The following SLC1A2 variants were observed in gnomAD, a reference collection of about 807,000 sequenced individuals.
SLC1A2 encodes the protein solute carrier family 1 member 2.
In SLC1A2, 15 loss-of-function variants were observed where a neutral mutation model predicts 48.8. The observed-to-expected ratio is 0.31, with a 90% CI of 0.21 to 0.47. The LOEUF is 0.47. Among genes scored for constraint, SLC1A2 ranks in the 20% least tolerant of loss-of-function variants. The pLI, the probability that SLC1A2 is intolerant of heterozygous loss-of-function variation, is 0.99. For missense variants in SLC1A2, 502 were observed against 730.5 expected (o/e 0.69, Z 3.61); for synonymous variants, 279 against 272.6 (o/e 1.02, Z -0.23).
At chr11:35,411,568 G>C (rs1488032962) in intron 1 of SLC1A2, among the ~76,000 whole-genome samples, 1 of 152,126 alleles carries the variant, frequency 6.6e-6, no homozygotes, top group Admixed American at 6.6e-5. Context: ...AGATCCTCTC[G>C]CCTCAGCCTC....
At chr11:35,328,327 T>C (rs1461778757) in intron 1 of SLC1A2, among the ~76,000 whole-genome samples, 1 of 152,162 alleles carries the variant, frequency 6.6e-6, no homozygotes, top group African/African-American at 2.4e-5. Flanking sequence ...GTCTGGTAAC[T>C]GGTAATAATA....
intron 9 of SLC1A2, among the ~76,000 whole-genome samples, chr11:35,271,186 A>G (rs938737005): frequency 1.3e-5 from 2 of 152,220 alleles, no homozygotes; most frequent in African/African-American, 4.8e-5. Context: ...GAGCATGGTC[A>G]GTTGGAGCGG....
chr11:35,354,890 C>T (rs558702912), intron 1 of SLC1A2, among the ~76,000 whole-genome samples: 2 of 152,298 alleles, frequency 1.3e-5, no homozygotes, highest in African/African-American at 2.4e-5. Context: ...ACATCTTCCA[C>T]GAACAGCAAA....
At chr11:35,317,994 G>A (rs964935299) in intron 1 of SLC1A2, among the ~76,000 whole-genome samples, 2 of 152,174 alleles carry the variant, frequency 1.3e-5, no homozygotes, top group Non-Finnish European at 2.9e-5. Context: ...ATCCTGACAT[G>A]TAAACGTCAC....
intron 5 of SLC1A2, among the ~76,000 whole-genome samples, chr11:35,303,241 C>T (rs1851404783): frequency 6.6e-6 from 1 of 152,170 alleles, no homozygotes; most frequent in Non-Finnish European, 1.5e-5. Context: ...CCTCTTTACA[C>T]CAAGCACATA....
intron 8 of SLC1A2, among the ~76,000 whole-genome samples, chr11:35,282,500 C>A (rs1033573801): frequency 2.6e-5 from 4 of 152,162 alleles, no homozygotes; most frequent in Non-Finnish European, 5.9e-5. Context: ...CACATTGCAA[C>A]TCCCCCACCC....
intron 1 of SLC1A2, among the ~76,000 whole-genome samples, chr11:35,410,118 T>C (rs1438824148): frequency 6.7e-6 from 1 of 148,894 alleles, no homozygotes; most frequent in Non-Finnish European, 1.5e-5. Context: ...TTTTATTTTT[T>C]AAGATAGAGC....
chr11:35,367,392 C>G (rs1247080361), intron 1 of SLC1A2, among the ~76,000 whole-genome samples: 1 of 152,214 alleles, frequency 6.6e-6, no homozygotes, highest in African/African-American at 2.4e-5. Flanking sequence ...CCTTCTGCAT[C>G]TGGACCCTCA....
intron 9 of SLC1A2, among the ~76,000 whole-genome samples, chr11:35,274,223 T>C (rs371052500): frequency 5.1e-4 from 77 of 152,362 alleles, no homozygotes; most frequent in African/African-American, 1.7e-3. Flanking sequence ...GTCCTTCCCT[T>C]TGCTATGAAC....
At chr11:35,390,528 T>C (rs1854731714) in intron 1 of SLC1A2, among the ~76,000 whole-genome samples, 1 of 152,200 alleles carries the variant, frequency 6.6e-6, no homozygotes, top group Non-Finnish European at 1.5e-5. Flanking sequence ...AGATGTGTCA[T>C]AAGTTTAAAA....
chr11:35,261,643 C>T (rs1950395781), intron 10 of SLC1A2: 1 of 398,446 alleles, frequency 2.5e-6, no homozygotes, highest in African/African-American at 2.1e-5. Flanking sequence ...TTTTCCCCTC[C>T]ACTTCTAAGT....
chr11:35,269,462 C>T (rs770439976), intron 9 of SLC1A2, among the ~76,000 whole-genome samples: 8 of 152,096 alleles, frequency 5.3e-5, no homozygotes, highest in East Asian at 1.9e-4. Flanking sequence ...TGGGTCCTAC[C>T]GTTTTTGGGG....
chr11:35,370,894 G>C, intron 1 of SLC1A2: 1 of 938,208 alleles, frequency 1.1e-6, no homozygotes, highest in Non-Finnish European at 1.3e-6. Flanking sequence ...GAAAAGAAAA[G>C]ATGGCTAAGA....
At chr11:35,284,543 T>TTGTGTGTGTG (rs34712517) in intron 8 of SLC1A2, among the ~76,000 whole-genome samples, 36 of 150,050 alleles carry the variant, frequency 2.4e-4, no homozygotes, top group South Asian at 1.7e-3. Context: ...TGTTTTCATA[T>TTGTGTGTGTG]TGTGTGTGTG....
chr11:35,274,533 C>A lies in SLC1A2; in HGVS notation c.1421+6334G>T, dbSNP rs117904776. ...AGGAATTAGTTTTGTTTTCCACCAG[C>A]CATGAGTGGAGGGTCAGTTAGTTAA... On this transcript the variant is annotated intron_variant, in intron 9 of 10. Transcript: ENST00000278379. Among the ~76,000 whole-genome samples the A allele has an allele frequency of 1.6e-4, 24 of 152,212 alleles. No homozygotes were observed. In the East Asian group the frequency reaches 4.1e-3, roughly 26 times the overall value.
chr11:35,292,365 A>T lies in SLC1A2; in HGVS notation c.1013T>A (p.Val338Glu). The T allele has an allele frequency of 6.2e-7, 1 of 1,614,072 alleles. No individual in the cohort carries two copies. The highest frequency in any genetic ancestry group is 1.3e-5 in the African/African-American group (1 of 75,046). Residue 338 changes from valine (V) to glutamate (E), a missense_variant, in exon 7 of 11, where the codon GTA (valine) becomes GAA (glutamate). Around this residue, in one of 4 missense-constraint regions of SLC1A2, gnomAD observed 309 missense variants for 480.3 expected, o/e 0.64. Transcript: ENST00000278379. ...GGIFLPLIYF[V>E]VTRKNPFSFF... ...GGAGAAGGGGTTTTTCCTGGTCACT[A>T]CAAAGTAAATCAAGGGGAGAAAGAT...
At chr11:35,289,102 A>C (rs3794096) in intron 7 of SLC1A2, among the ~76,000 whole-genome samples, 90,793 of 152,068 alleles carry the variant, frequency 0.6, 27,785 homozygotes, top group East Asian at 0.73. Context: ...TTGTTTTTTA[A>C]GTATTAGTTT....
At chr11:35,407,630 C>G (rs1318324452) in intron 1 of SLC1A2, among the ~76,000 whole-genome samples, 1 of 152,248 alleles carries the variant, frequency 6.6e-6, no homozygotes, top group African/African-American at 2.4e-5. Flanking sequence ...ACTTTGCTGA[C>G]CCAGCTCTGG....
Position 35,257,854 on chromosome 11 carries a change from G to A in SLC1A2, c.*3040C>T, listed in dbSNP as rs1950334210. On this transcript the variant is annotated 3_prime_UTR_variant, in exon 11 of 11. Transcript: ENST00000278379. ...ACCTTACAGGATGCAGTGTATGTATGTTTCTGGCCTGCTGTAACTGTATAT... is the reference window on the plus strand; with the variant it reads ...ACCTTACAGGATGCAGTGTATGTATATTTCTGGCCTGCTGTAACTGTATAT... 6.6e-6 allele frequency: 1 copy of A among 152,212 alleles called. No individual in the cohort carries two copies. Among genetic ancestry groups the A allele is most frequent in the Non-Finnish European group, 1.5e-5 (1 of 68,034 alleles). The allele number at this position is 152,212 out of a possible 1,614,324, so 9.4% of individuals were successfully genotyped here. A position where few individuals can be genotyped will look rare whatever the true frequency, so the allele number is the denominator to read the frequency against.
Sources: allele counts gnomAD v4.1 joint callset (sites outside exome capture counted in the v4.1 genomes callset), GRCh38; gene constraint gnomAD v4.1.1; regional missense constraint gnomAD v4.1.1; transcripts MANE v1.5; gene names NCBI Gene and HGNC (gene_info 2026-07-23, HGNC 2026-07-21).